PDE3B: variants seen among roughly 807,000 people sequenced by gnomAD.
The protein encoded by PDE3B is phosphodiesterase 3B.
Under a neutral mutation model 116.8 loss-of-function variants are expected in PDE3B, and 66 were observed. The ratio of observed to expected loss-of-function variants is 0.56; its 90% CI spans 0.46 to 0.69. The LOEUF (loss-of-function observed/expected upper bound fraction) is 0.69, where lower values mean the gene tolerates loss of function less well. Ranked by LOEUF, PDE3B falls within the 30% of genes least tolerant of loss-of-function variation. PDE3B has a pLI of 0.00. For missense variants in PDE3B, 1,384 were observed against 1,368.1 expected, an observed-to-expected ratio of 1.01 and a Z score of -0.18; for synonymous variants, 595 against 533.6, an observed-to-expected ratio of 1.12 and a Z score of -1.59.
At chr11:14,850,696 G>T (rs568953674) in intron 12 of PDE3B, among the ~76,000 whole-genome samples, 1 of 152,178 alleles carries the variant, frequency 6.6e-6, no homozygotes, top group South Asian at 2.1e-4. Context: ...TTTGTACCTA[G>T]TATAGCTGGT....
chr11:14,799,757 C>CTTTTTTTTTTT (rs60506229), intron 4 of PDE3B, among the ~76,000 whole-genome samples: 1 of 108,036 alleles, frequency 9.3e-6, no homozygotes. Flanking sequence ...CAACTCCTGC[C>CTTTTTTTTTTT]TTTTTTTTTT....
downstream of PDE3B, among the ~76,000 whole-genome samples, chr11:14,875,958 ATCT>A (rs1848183861): frequency 6.6e-6 from 1 of 152,224 alleles, no homozygotes; most frequent in African/African-American, 2.4e-5. Context: ...AAATAGCATG[ATCT>A]TCATTCTGCA....
At chr11:14,672,395 A>G (rs747514397) in intron 1 of PDE3B, among the ~76,000 whole-genome samples, 1 of 152,174 alleles carries the variant, frequency 6.6e-6, no homozygotes, top group Non-Finnish European at 1.5e-5. Flanking sequence ...TACACACAGA[A>G]TGTAGTTTGT....
chr11:14,857,268 G>A (rs1565167621), intron 12 of PDE3B, among the ~76,000 whole-genome samples: 1 of 152,222 alleles, frequency 6.6e-6, no homozygotes, highest in African/African-American at 2.4e-5. Context: ...CTGGGACCCT[G>A]TCTTTTTTCT....
At position 14,746,423 on chromosome 11, in the gene PDE3B, C is replaced by T. The variant is rs529229391; in HGVS notation, c.979-25514C>T. On this transcript the variant is annotated intron_variant, in intron 1 of 15. Transcript: ENST00000282096. ...ATAAAAAATAATAAAATAAAGCTGT[C>T]TTTAAAAAGCTAATGCCCTTTTTCT... Among the ~76,000 whole-genome samples the T allele has an allele frequency of 2.0e-5, 3 of 152,148 alleles. No homozygotes were observed. The South Asian group carries it at 6.2e-4, about 32-fold the overall frequency.
rs1227689000 is a variant in PDE3B at position 14,779,988 on chromosome 11, G to GAA, written c.1030-6435_1030-6434dup. On this transcript the variant is annotated intron_variant, in intron 2 of 15. Coordinates refer to ENST00000282096, the MANE Select transcript of PDE3B (RefSeq NM_000922.4). ...TGGAGGAAGATCTACCAAGCAAATG[G>GAA]AAAAAAAAAAAAAAAGCAGGGGTTG... 9.0e-4 allele frequency among the ~76,000 whole-genome samples: 97 copies of GAA among 108,280 alleles called. 1 individual carries two copies. Among genetic ancestry groups the GAA allele is most frequent in the Non-Finnish European group, 4.6e-4 (23 of 49,708 alleles). 71.0% of individuals were successfully genotyped at this position (108,280 alleles called of 152,430 possible). A position where few individuals can be genotyped will look rare whatever the true frequency, so the allele number is the denominator to read the frequency against.
intron 1 of PDE3B, among the ~76,000 whole-genome samples, chr11:14,754,536 G>C (rs555390826): frequency 6.6e-6 from 1 of 152,152 alleles, no homozygotes; most frequent in East Asian, 1.9e-4. Flanking sequence ...ATAGTGTTTT[G>C]GAATGTGAGC....
At chr11:14,732,621 C>G (rs1302014262) in intron 1 of PDE3B, among the ~76,000 whole-genome samples, 2 of 152,224 alleles carry the variant, frequency 1.3e-5, no homozygotes, top group East Asian at 3.9e-4. Flanking sequence ...TTTGCCAAAT[C>G]AAACAGGGCA....
the PDE3B span, chr11:14,885,875 T>A: frequency 6.2e-7 from 1 of 1,613,646 alleles, no homozygotes; most frequent in Admixed American, 1.7e-5. Context: ...TCATAGCCAT[T>A]TAGAACCACA....
chr11:14,766,545 G>A (rs1170076849), intron 1 of PDE3B, among the ~76,000 whole-genome samples: 1 of 151,388 alleles, frequency 6.6e-6, no homozygotes, highest in African/African-American at 2.4e-5. Flanking sequence ...TTTTTCCAAA[G>A]CACACTGAAA....
chr11:14,862,754 A>G (rs189917616), intron 14 of PDE3B, among the ~76,000 whole-genome samples: 54 of 152,248 alleles, frequency 3.5e-4, no homozygotes, highest in African/African-American at 1.3e-3. Context: ...TTGTATTTTT[A>G]GTAGAGATGG....
At chr11:14,891,962 G>T in the PDE3B span, 1 of 1,610,388 alleles carries the variant, frequency 6.2e-7, no homozygotes, top group South Asian at 1.1e-5. Context: ...TCCCTGCCCG[G>T]GGCCCGTCGG....
rs1848117479 is a variant in PDE3B, at chr11:14,869,992, CT to C, written c.*333del. On this transcript the variant is annotated 3_prime_UTR_variant, in exon 16 of 16. Coordinates refer to ENST00000282096, the MANE Select transcript of PDE3B (RefSeq NM_000922.4). ...GCTCTTATTTTTCACTGGGGGTCAG[CT>C]ATAACTAAAAACTCAAGTGACATAT... The C allele has an allele frequency of 5.6e-6, 1 of 178,616 alleles. No individual in the cohort carries two copies. Among genetic ancestry groups the C allele is most frequent in the African/African-American group, 2.4e-5 (1 of 42,474 alleles). The allele number at this position is 178,616 out of a possible 1,614,324, so 11.1% of individuals were successfully genotyped here.
intron 1 of PDE3B, among the ~76,000 whole-genome samples, chr11:14,744,262 T>A (rs1340650301): frequency 6.6e-6 from 1 of 152,190 alleles, no homozygotes; most frequent in East Asian, 1.9e-4. Flanking sequence ...TTCTTTGATT[T>A]GGTTATTCAA....
chr11:14,895,298 C>T, the PDE3B span, among the ~76,000 whole-genome samples: 1 of 152,180 alleles, frequency 6.6e-6, no homozygotes, highest in African/African-American at 2.4e-5. Flanking sequence ...AAAGGAAGTG[C>T]CAAGCTGAGC....
At chr11:14,837,723 T>C (rs2133968494) in intron 11 of PDE3B, among the ~76,000 whole-genome samples, 1 of 152,316 alleles carries the variant, frequency 6.6e-6, no homozygotes, top group Non-Finnish European at 1.5e-5. Context: ...TGAGTTCTCA[T>C]ACATAGTGTT....
intron 2 of PDE3B, among the ~76,000 whole-genome samples, chr11:14,782,186 A>G (rs997809879): frequency 6.6e-6 from 1 of 152,210 alleles, no homozygotes; most frequent in Non-Finnish European, 1.5e-5. Flanking sequence ...AATACTGCCC[A>G]AAGTCATTTA....
In PDE3B at chr11:14,700,743, T is replaced by C. The variant is rs559325206; in HGVS notation, c.978+55690T>C. ...TGAGCTTATTCTCCTATTGTAGATA[T>C]CAGGATATCATTGCTTTCCTTTTCT... On this transcript the variant is annotated intron_variant, in intron 1 of 15. Coordinates refer to ENST00000282096, the MANE Select transcript of PDE3B (RefSeq NM_000922.4). The C allele has an allele frequency of 8.8e-4, 133 of 151,942 alleles. 1 individual carries two copies. The highest frequency in any genetic ancestry group is 3.0e-3 in the African/African-American group (126 of 41,528). The allele number at this position is 151,942 out of a possible 1,614,324, so 9.4% of individuals were successfully genotyped here. A position where few individuals can be genotyped will look rare whatever the true frequency, so the allele number is the denominator to read the frequency against.
chr11:14,890,220 GA>G, the PDE3B span, among the ~76,000 whole-genome samples: 5 of 147,352 alleles, frequency 3.4e-5, no homozygotes, highest in South Asian at 2.1e-4. Context: ...TCACTACCGA[GA>G]AAAAAAAAAG....
Sources: allele counts gnomAD v4.1 joint callset (sites outside exome capture counted in the v4.1 genomes callset), GRCh38; gene constraint gnomAD v4.1.1; transcripts MANE v1.5; gene names NCBI Gene and HGNC (gene_info 2026-07-23, HGNC 2026-07-21).